LGI1: variants seen among roughly 807,000 people sequenced by gnomAD.
LGI1 encodes the protein leucine rich glioma inactivated 1.
In LGI1, 11 loss-of-function variants were observed where a neutral mutation model predicts 57.7. The ratio of observed to expected loss-of-function variants is 0.19; its 90% CI spans 0.12 to 0.32. LGI1 has a LOEUF of 0.32. Among genes scored for constraint, LGI1 ranks in the 10% least tolerant of loss-of-function variants. LGI1 has a pLI of 1.00. For synonymous variants in LGI1, 222 were observed against 241.9 expected (o/e 0.92, Z 0.76); for missense variants, 422 against 661.9 (o/e 0.64, Z 3.98).
Position 93,758,041 on chromosome 10 carries a change from C to G in LGI1, c.-104C>G. On this transcript the variant is annotated 5_prime_UTR_variant, in exon 1 of 8. Coordinates refer to ENST00000371418, the MANE Select transcript of LGI1 (RefSeq NM_005097.4). The surrounding 1 kb of genome is among the most constrained non-coding windows in gnomAD (Gnocchi z 4.7). ...TTTTGAAAAAGCAGAGATACAGAGG[C>G]AGAGGAAAAGGGTGGACTCCTATGT... 1.0e-6 allele frequency: 1 copy of G among 971,378 alleles called. No homozygotes were observed. Among genetic ancestry groups the G allele is most frequent in the Non-Finnish European group, 1.6e-6 (1 of 614,166 alleles). The allele number at this position is 971,378 out of a possible 1,614,324, so 60.2% of individuals were successfully genotyped here.
rs748900375 is a variant in LGI1 at position 93,797,458 on chromosome 10, C to T, written c.1329C>T (p.Asp443=). 6.2e-6 allele frequency: 10 copies of T among 1,614,042 alleles called. No individual in the cohort carries two copies. The highest frequency in any genetic ancestry group is 4.0e-5 in the African/African-American group (3 of 74,904). ...TGAAGCACTTCTCAGTGAAAGGGGACGTGTACATTTGCTTGACAAGATTCA... is the reference window on the plus strand; with the variant it reads ...TGAAGCACTTCTCAGTGAAAGGGGATGTGTACATTTGCTTGACAAGATTCA... ...YAVKHFSVKG[D]VYICLTRFIG... Residue 443 remains aspartate, a synonymous_variant, in exon 8 of 8, where the codon GAC becomes GAT. Transcript: ENST00000371418. This position sits in a 1 kb window ranked among gnomAD's most constrained non-coding sequence, Gnocchi z 6.5.
At chr10:93,769,423 T>C (rs575845682) in intron 2 of LGI1, 1 of 152,338 alleles carries the variant, frequency 6.6e-6, no homozygotes, top group South Asian at 2.1e-4. Flanking sequence ...TTGGGGCAGG[T>C]GACATCCTCA....
At chr10:93,760,673 T>C (rs1440817619) in intron 2 of LGI1, among the ~76,000 whole-genome samples, 1 of 152,240 alleles carries the variant, frequency 6.6e-6, no homozygotes, top group African/African-American at 2.4e-5. Context: ...CTGGACAATG[T>C]TATAGAAATA....
At chr10:93,774,871 T>A (rs1203251789) in intron 2 of LGI1, among the ~76,000 whole-genome samples, 1 of 152,180 alleles carries the variant, frequency 6.6e-6, no homozygotes, top group Non-Finnish European at 1.5e-5. Context: ...CAGAGTTTCA[T>A]CCTCTGTATA....
At chr10:93,791,182 G>A (rs1293570452) in intron 5 of LGI1, 1 of 152,138 alleles carries the variant, frequency 6.6e-6, no homozygotes, top group Non-Finnish European at 1.5e-5. Flanking sequence ...TTAATTCCAG[G>A]AGAATGCCCA....
intron 2 of LGI1, chr10:93,770,673 C>T (rs917583836): frequency 6.6e-6 from 1 of 152,104 alleles, no homozygotes; most frequent in African/African-American, 2.4e-5. Context: ...GTCACTTAGT[C>T]ATGACCCGTC....
At chr10:93,770,776 T>A (rs1589756871) in intron 2 of LGI1, 2 of 152,088 alleles carry the variant, frequency 1.3e-5, no homozygotes, top group Non-Finnish European at 2.9e-5. Flanking sequence ...AATAATGAAA[T>A]TATGAAAGCT....
At chr10:93,781,353 C>T (rs1292739074) in intron 4 of LGI1, among the ~76,000 whole-genome samples, 1 of 147,482 alleles carries the variant, frequency 6.8e-6, no homozygotes, top group Non-Finnish European at 1.5e-5. Context: ...AGCAAGACTC[C>T]GTCTCTAAGA....
At chr10:93,795,676 A>G (rs938911158) in intron 7 of LGI1, among the ~76,000 whole-genome samples, 4 of 152,234 alleles carry the variant, frequency 2.6e-5, no homozygotes, top group Admixed American at 6.5e-5. Flanking sequence ...TTTCATGTAG[A>G]GTGCAGACAC....
In LGI1 at chr10:93,792,832, T is replaced by C. The variant is rs2134020872; in HGVS notation, c.593T>C (p.Ile198Thr). Residue 198 changes from isoleucine (I) to threonine (T), a missense_variant, in exon 6 of 8, where the codon ATC (isoleucine) becomes ACC (threonine). This residue lies in a region of LGI1 where 301 missense variants were observed against 461.7 expected (regional missense o/e 0.65). Coordinates refer to ENST00000371418, the MANE Select transcript of LGI1 (RefSeq NM_005097.4). ...LGHTNATVEDIYCEGPPEYKK... is the reference protein window; with the variant it reads ...LGHTNATVEDTYCEGPPEYKK... ...CACACCAATGCAACTGTTGAAGACATCTACTGCGAAGGCCCCCCAGAATAC... is the reference window on the plus strand; with the variant it reads ...CACACCAATGCAACTGTTGAAGACACCTACTGCGAAGGCCCCCCAGAATAC... 5 of 1,614,122 alleles carry C rather than the reference T, an allele frequency of 3.1e-6. No individual in the cohort carries two copies. Among genetic ancestry groups the C allele is most frequent in the Non-Finnish European group, 4.2e-6 (5 of 1,180,004 alleles).
At chr10:93,784,256 C>A (rs2059877132) in intron 4 of LGI1, among the ~76,000 whole-genome samples, 1 of 152,182 alleles carries the variant, frequency 6.6e-6, no homozygotes, top group African/African-American at 2.4e-5. Flanking sequence ...CCTAGTGTGA[C>A]CTCCATGCCC....
intron 2 of LGI1, chr10:93,767,077 A>G (rs760949799): frequency 6.6e-6 from 1 of 152,248 alleles, no homozygotes; most frequent in African/African-American, 2.4e-5. Context: ...GCCATTAACA[A>G]GAGTTTTCAG....
chr10:93,795,621 C>A (rs2059973925), intron 7 of LGI1, among the ~76,000 whole-genome samples: 1 of 152,154 alleles, frequency 6.6e-6, no homozygotes, highest in Non-Finnish European at 1.5e-5. Context: ...AGTCATTATC[C>A]CTTCCTTCAC....
In LGI1 at chr10:93,797,952, T is replaced by C. The variant is rs2059995074; in HGVS notation, c.*149T>C. The C allele has an allele frequency of 4.3e-6, 3 of 699,566 alleles. No individual in the cohort carries two copies. In the African/African-American group the frequency reaches 5.3e-5, roughly 12 times the overall value. 43.3% of individuals were successfully genotyped at this position (699,566 alleles called of 1,614,324 possible). A position where few individuals can be genotyped will look rare whatever the true frequency, so the allele number is the denominator to read the frequency against. ...GAACCAAGCACTACCAGTATCTCCA[T>C]CCTTAACTGTCCAGTCCAGTGATGT... On this transcript the variant is annotated 3_prime_UTR_variant, in exon 8 of 8. Transcript: ENST00000371418. The surrounding 1 kb of genome is among the most constrained non-coding windows in gnomAD (Gnocchi z 6.5).
chr10:93,768,997 G>C (rs1480013278), intron 2 of LGI1: 1 of 152,216 alleles, frequency 6.6e-6, no homozygotes. Flanking sequence ...ATGTACTTGT[G>C]TGTGATGCTT....
chr10:93,764,612 A>G (rs973769301), intron 2 of LGI1: 6 of 152,180 alleles, frequency 3.9e-5, no homozygotes, highest in African/African-American at 1.4e-4. Flanking sequence ...CATGGGTTCA[A>G]ATCCCCACTC....
intron 4 of LGI1, among the ~76,000 whole-genome samples, chr10:93,785,075 A>T (rs538768575): frequency 1.3e-5 from 2 of 152,222 alleles, no homozygotes; most frequent in African/African-American, 4.8e-5. Context: ...TTCCATATAT[A>T]TGTGCATATG....
chr10:93,784,620 T>C (rs980315047), intron 4 of LGI1, among the ~76,000 whole-genome samples: 3 of 152,136 alleles, frequency 2.0e-5, no homozygotes, highest in East Asian at 3.8e-4. Context: ...AGAAAGTCTT[T>C]TTCCTGACAA....
intron 4 of LGI1, among the ~76,000 whole-genome samples, chr10:93,785,656 T>C (rs904956252): frequency 2.6e-5 from 4 of 152,144 alleles, no homozygotes; most frequent in African/African-American, 9.7e-5. Context: ...AATAATAATA[T>C]TATTATATCA....
Sources: gnomAD v4.1 joint callset for allele counts (sites outside exome capture counted in the v4.1 genomes callset) on GRCh38, gnomAD v4.1.1 for gene constraint, gnomAD v4.1.1 regional missense constraint, Gnocchi (gnomAD v3.1) non-coding constraint, MANE v1.5 for transcripts, NCBI Gene and HGNC (gene_info 2026-07-23, HGNC 2026-07-21) for gene names.